The following PRMT3 variants were observed in gnomAD, a reference collection of about 807,000 sequenced individuals.
The protein encoded by PRMT3 is protein arginine methyltransferase 3.
In PRMT3, 62 loss-of-function variants were observed where a neutral mutation model predicts 71.9. The observed-to-expected ratio is 0.86, with a 90% CI of 0.70 to 1.07. The LOEUF (loss-of-function observed/expected upper bound fraction) is 1.07. Among genes scored for constraint, PRMT3 ranks in the 50% least tolerant of loss-of-function variants. PRMT3 has a pLI of 0.00. For missense variants in PRMT3, 663 were observed against 643.0 expected, an observed-to-expected ratio of 1.03 and a Z score of -0.34; for synonymous variants, 213 against 220.4, an observed-to-expected ratio of 0.97 and a Z score of 0.30.
chr11:20,426,586 C>T (rs753478048), intron 9 of PRMT3, among the ~76,000 whole-genome samples, 180 bp from the exon 10 acceptor site: 2 of 152,196 alleles, frequency 1.3e-5, no homozygotes, highest in Non-Finnish European at 2.9e-5. Flanking sequence ...TAACCACAAA[C>T]ATCTTTGGGC....
chr11:20,462,282 T>C, intron 12 of PRMT3, 115 bp downstream of exon 12: 1 of 818,642 alleles, frequency 1.2e-6, no homozygotes, highest in Non-Finnish European at 1.9e-6. Context: ...ACTTTTCCCA[T>C]TGTAATCAGT....
chr11:20,483,250 G>A (rs1393733269), intron 13 of PRMT3, among the ~76,000 whole-genome samples: 2 of 152,026 alleles, frequency 1.3e-5, no homozygotes, highest in South Asian at 2.1e-4. Flanking sequence ...TTTTTATGCT[G>A]CGTTGATTTG....
intron 13 of PRMT3, among the ~76,000 whole-genome samples, chr11:20,473,338 ATCTT>A (rs1229020403): frequency 4.0e-5 from 6 of 151,678 alleles, no homozygotes; most frequent in Non-Finnish European, 5.9e-5. Context: ...TCGATTTGAG[ATCTT>A]TCTGTCTTTT....
rs182761941 is a variant in PRMT3 at position 20,410,987 on chromosome 11, T to A, written c.893+2955T>A. ...AAGCCAGAGCTAACAGAATGTCTCT[T>A]TAGCAATACTTACAGGATTCGATAC... On this transcript the variant is annotated intron_variant, in intron 9 of 15. Transcript: ENST00000331079. 9.3e-3 allele frequency among the ~76,000 whole-genome samples: 1,417 copies of A among 152,216 alleles called. 15 individuals carry two copies. Among genetic ancestry groups the A allele is most frequent in the African/African-American group, 0.033 (1,363 of 41,564 alleles).
intron 10 of PRMT3, among the ~76,000 whole-genome samples, 159 bp downstream of exon 10, chr11:20,427,024 T>C (rs1702630653): frequency 6.6e-6 from 1 of 152,210 alleles, no homozygotes; most frequent in Admixed American, 6.5e-5. Flanking sequence ...TTTAAAAAAA[T>C]AGCTACAGTC....
At position 20,486,886 on chromosome 11, in the gene PRMT3, G is replaced by A. The variant is rs1281314931; in HGVS notation, c.1348-7033G>A. 2.6e-5 allele frequency among the ~76,000 whole-genome samples: 4 copies of A among 151,826 alleles called. No homozygotes were observed. The East Asian group carries it at 5.8e-4, about 22-fold the overall frequency. On this transcript the variant is annotated intron_variant, in intron 13 of 15. Coordinates refer to ENST00000331079, the MANE Select transcript of PRMT3 (RefSeq NM_005788.4). ...AGCCTGGCCAACACGGTGAAACCTC[G>A]TCTCTACTAAAATTACAAAGATTAG...
At chr11:20,489,619 TG>T (rs1469837578) in intron 13 of PRMT3, among the ~76,000 whole-genome samples, 2 of 152,188 alleles carry the variant, frequency 1.3e-5, no homozygotes, top group African/African-American at 4.8e-5. Context: ...AATAGTGGCA[TG>T]TTTATATTTT....
intron 10 of PRMT3, among the ~76,000 whole-genome samples, chr11:20,429,381 T>C (rs1849609415): frequency 6.6e-6 from 1 of 152,178 alleles, no homozygotes; most frequent in Non-Finnish European, 1.5e-5. Context: ...CACCTCTTGC[T>C]GTGTAGTCCA....
chr11:20,444,100 T>C (rs1849970121), intron 10 of PRMT3, among the ~76,000 whole-genome samples: 1 of 152,186 alleles, frequency 6.6e-6, no homozygotes, highest in South Asian at 2.1e-4. Flanking sequence ...ATATTTGTGA[T>C]TAATACATGT....
At chr11:20,408,115 C>G in intron 9 of PRMT3, 83 bp downstream of exon 9, 1 of 945,172 alleles carries the variant, frequency 1.1e-6, no homozygotes, top group Non-Finnish European at 1.5e-6. Context: ...TAGTAGCTAT[C>G]TAAGGCAGAC....
chr11:20,392,624 T>G (rs1321703002), intron 4 of PRMT3, among the ~76,000 whole-genome samples: 1 of 144,236 alleles, frequency 6.9e-6, no homozygotes, highest in African/African-American at 2.8e-5. Context: ...GATACTTTGT[T>G]TTTTTTTTTT....
At chr11:20,438,538 G>A (rs1218191813) in intron 10 of PRMT3, among the ~76,000 whole-genome samples, 2 of 152,146 alleles carry the variant, frequency 1.3e-5, no homozygotes, top group African/African-American at 2.4e-5. Flanking sequence ...GAGTCATTGT[G>A]TAGGGTGGGG....
chr11:20,392,131 C>T, intron 3 of PRMT3, 80 bp from the exon 4 acceptor site: 3 of 1,339,328 alleles, frequency 2.2e-6, no homozygotes, highest in Non-Finnish European at 3.1e-6. Context: ...ATTGTTTAAT[C>T]AGAGAAGGCT....
chr11:20,494,267 A>G lies in PRMT3; in HGVS notation c.1486+13A>G. The stretch of plus-strand genomic sequence containing the variant: ...TCAGTTAAAGCAGGTGAGAAAGAAT[A>G]GTAGGGGGGAAGTATCTTATTCATT... On this transcript the variant is annotated intron_variant, in intron 15 of 15. Transcript: ENST00000331079. 1 of 1,528,014 alleles carries G rather than the reference A, an allele frequency of 6.5e-7. No homozygotes were observed. Among genetic ancestry groups the G allele is most frequent in the East Asian group, 2.3e-5 (1 of 44,430 alleles). The allele number at this position is 1,528,014 out of a possible 1,614,324, so 94.7% of individuals were successfully genotyped here.
At chr11:20,432,863 G>A (rs1422248911) in intron 10 of PRMT3, among the ~76,000 whole-genome samples, 1 of 152,010 alleles carries the variant, frequency 6.6e-6, no homozygotes, top group African/African-American at 2.4e-5. Context: ...TTTGAGAGAT[G>A]TCTATTCAGT....
At chr11:20,500,033 T>C (rs911589473) in intron 15 of PRMT3, among the ~76,000 whole-genome samples, 3 of 152,146 alleles carry the variant, frequency 2.0e-5, no homozygotes, top group African/African-American at 7.2e-5. Flanking sequence ...TATGTTTTCT[T>C]CCAATATCCC....
chr11:20,454,554 A>G (rs1056609567), intron 11 of PRMT3, among the ~76,000 whole-genome samples: 11 of 152,224 alleles, frequency 7.2e-5, no homozygotes, highest in African/African-American at 2.7e-4. Context: ...GTTGAATCTT[A>G]TTTGTTAACA....
At chr11:20,484,144 G>A (rs1851014036) in intron 13 of PRMT3, among the ~76,000 whole-genome samples, 9 of 152,170 alleles carry the variant, frequency 5.9e-5, no homozygotes. Context: ...GCATGCCCAG[G>A]CATGCTTAGG....
chr11:20,405,630 T>C (rs1239572250), intron 8 of PRMT3: 1 of 152,176 alleles, frequency 6.6e-6, no homozygotes, highest in Non-Finnish European at 1.5e-5. Flanking sequence ...CATACACATA[T>C]ATGCATTTGT....
Sources: gnomAD v4.1 joint callset for allele counts (sites outside exome capture counted in the v4.1 genomes callset) on GRCh38, gnomAD v4.1.1 for gene constraint, MANE v1.5 for transcripts, NCBI Gene and HGNC (gene_info 2026-07-23, HGNC 2026-07-21) for gene names.